Variants in TRANK1 observed in about 807,000 individuals in gnomAD.
TRANK1 encodes TPR and ankyrin repeat-containing protein 1.
A neutral mutation model predicts 266.0 loss-of-function variants in TRANK1; 198 were observed. The ratio of observed to expected loss-of-function variants is 0.74; its 90% CI spans 0.66 to 0.84. The LOEUF (loss-of-function observed/expected upper bound fraction) is 0.84. Among genes scored for constraint, TRANK1 ranks in the 40% least tolerant of loss-of-function variants. TRANK1 has a pLI of 0.00. For missense variants in TRANK1, 3,326 were observed against 3,634.6 expected (o/e 0.92, Z 2.18); for synonymous variants, 1,396 against 1,384.1 (o/e 1.01, Z -0.19).
intron 1 of TRANK1, among the ~76,000 whole-genome samples, chr3:36,913,263 CTG>C (rs564061638): frequency 1.4e-4 from 21 of 152,302 alleles, no homozygotes; most frequent in African/African-American, 4.1e-4. Context: ...GTTGGCCAGA[CTG>C]GTCTCGAACT....
At chr3:36,854,762 C>A (rs937557684) in intron 13 of TRANK1, among the ~76,000 whole-genome samples, 4 of 151,660 alleles carry the variant, frequency 2.6e-5, no homozygotes, top group Non-Finnish European at 5.9e-5. Context: ...GCCTACCACC[C>A]TCCCTTTTTT....
At chr3:36,878,033 C>T (rs2079414816) in intron 8 of TRANK1, among the ~76,000 whole-genome samples, 1 of 140,104 alleles carries the variant, frequency 7.1e-6, no homozygotes, top group African/African-American at 2.9e-5. Flanking sequence ...ATCAGGGGTC[C>T]CCAACCCCCC....
chr3:36,919,841 G>A (rs2080189844), intron 1 of TRANK1, among the ~76,000 whole-genome samples: 1 of 152,182 alleles, frequency 6.6e-6, no homozygotes, highest in African/African-American at 2.4e-5. Context: ...TTTTCCTGAT[G>A]ACTAATAATG....
At chr3:36,909,580 T>C (rs992380063) in intron 1 of TRANK1, among the ~76,000 whole-genome samples, 3 of 152,210 alleles carry the variant, frequency 2.0e-5, no homozygotes, top group Non-Finnish European at 2.9e-5. Context: ...ACAGATGACA[T>C]GTACCTATGG....
intron 1 of TRANK1, among the ~76,000 whole-genome samples, chr3:36,917,739 A>G (rs566880231): frequency 4.6e-5 from 7 of 152,336 alleles, no homozygotes; most frequent in Admixed American, 1.3e-4. Flanking sequence ...TGCATTCTCA[A>G]TGGGGCAATA....
chr3:36,912,641 T>G (rs2080068619), intron 1 of TRANK1, among the ~76,000 whole-genome samples: 2 of 152,154 alleles, frequency 1.3e-5, no homozygotes, highest in Admixed American at 1.3e-4. Flanking sequence ...ACTGAGTAGA[T>G]TTTGAAACAA....
In TRANK1 at chr3:36,855,421, A is replaced by G; in HGVS notation, c.4301T>C (p.Leu1434Pro). Reference protein sequence around the residue: ...LRVLPWSIHELYGDEIQDFTQ... With the variant: ...LRVLPWSIHEPYGDEIQDFTQ... ...AAAGTCTTGAATCTCATCACCATAG[A>G]GCTCGTGGATGGACCATGGGAGCAC... The change falls in exon 13 of 24, where the codon CTC (leucine) becomes CCC (proline). Residue 1434 changes from leucine (L) to proline (P), a missense_variant. Coordinates refer to ENST00000645898, the MANE Select transcript of TRANK1 (RefSeq NM_001329998.2). The G allele has an allele frequency of 6.2e-7, 1 of 1,613,990 alleles. No homozygotes were observed. Among genetic ancestry groups the G allele is most frequent in the Non-Finnish European group, 8.5e-7 (1 of 1,179,886 alleles).
Position 36,845,154 on chromosome 3 carries a change from G to A in TRANK1, c.5191+1094C>T, listed in dbSNP as rs573707336. On this transcript the variant is annotated intron_variant, in intron 17 of 23. Transcript: ENST00000645898. Reference sequence around the variant, plus strand: ...ACCCCATACCCACCAATCCTAGCATGAGAGGTAATCACTATAAACAGTTTT... The same window carrying A: ...ACCCCATACCCACCAATCCTAGCATAAGAGGTAATCACTATAAACAGTTTT... Among the ~76,000 whole-genome samples, 3 of 152,304 alleles carry A rather than the reference G, an allele frequency of 2.0e-5. No homozygotes were observed. The East Asian group carries it at 5.8e-4, about 29-fold the overall frequency.
At chr3:36,890,710 C>T (rs141798673) in intron 7 of TRANK1, among the ~76,000 whole-genome samples, 1 of 152,198 alleles carries the variant, frequency 6.6e-6, no homozygotes, top group African/African-American at 2.4e-5. Flanking sequence ...ATATTGAATT[C>T]TTTTCCCAGA....
chr3:36,862,758 T>C (rs1396176752), intron 10 of TRANK1, among the ~76,000 whole-genome samples: 1 of 152,162 alleles, frequency 6.6e-6, no homozygotes, highest in African/African-American at 2.4e-5. Context: ...GAGACTTCAA[T>C]GTCATCTCCA....
In TRANK1 at chr3:36,832,729, T is replaced by C. The variant is rs369030487; in HGVS notation, c.6854A>G (p.Asn2285Ser). The C allele has an allele frequency of 3.1e-6, 5 of 1,613,684 alleles. No individual in the cohort carries two copies. The African/African-American group carries it at 6.7e-5, about 22-fold the overall frequency. Reference sequence around the variant, plus strand: ...GAGGATTTCTTTGCATGCCATGGGGTTTTCTGACAACACTCTCTGATGGAA... The same window carrying C: ...GAGGATTTCTTTGCATGCCATGGGGCTTTCTGACAACACTCTCTGATGGAA... Reference protein sequence around the residue: ...KHFHQRVLSENPMACKEILKP... With the variant: ...KHFHQRVLSESPMACKEILKP... Residue 2285 changes from asparagine to serine, a missense_variant, in exon 22 of 24, where the codon AAC becomes AGC. Asn to Ser is a conservative substitution (Grantham distance 46). Transcript: ENST00000645898.
At chr3:36,875,229 G>A (rs924036267) in intron 8 of TRANK1, among the ~76,000 whole-genome samples, 2 of 152,166 alleles carry the variant, frequency 1.3e-5, no homozygotes, top group Non-Finnish European at 2.9e-5. Context: ...TATCCAGAGA[G>A]GCCTGACCTA....
At chr3:36,864,188 G>A (rs2079181899) in intron 10 of TRANK1, 131 bp downstream of exon 10, 2 of 1,045,362 alleles carry the variant, frequency 1.9e-6, no homozygotes, top group Non-Finnish European at 2.6e-6. Flanking sequence ...AATGCTCTGT[G>A]CTGTCTGAAT....
rs2080549671 is a variant in TRANK1, at chr3:36,944,804, C to T, written c.6G>A (p.Trp2Ter). The T allele has an allele frequency of 2.7e-6, 4 of 1,491,280 alleles. No individual in the cohort carries two copies. The highest frequency in any genetic ancestry group is 3.5e-6 in the Non-Finnish European group (4 of 1,127,588). The allele number at this position is 1,491,280 out of a possible 1,614,324, so 92.4% of individuals were successfully genotyped here. The change falls in exon 1 of 24, where the codon TGG (tryptophan) becomes TGA (stop). Residue 2 changes from tryptophan to a stop codon, truncating the protein, a stop_gained. Transcript: ENST00000645898. LOFTEE classifies it high-confidence loss of function. ...CTACGCACCTAGCTGCCCGCGGGTC[C>T]CACATGGCTGCGGCCGGAGGGTCCG... M[W>*]DPRAARMDLT... is the part of the protein sequence containing the mutation.
chr3:36,937,845 A>G (rs1575339184), intron 1 of TRANK1, among the ~76,000 whole-genome samples: 1 of 152,200 alleles, frequency 6.6e-6, no homozygotes, highest in South Asian at 2.1e-4. Flanking sequence ...CACTCCAGTG[A>G]CAGCCATTAA....
chr3:36,936,172 A>G (rs2080422682), intron 1 of TRANK1, among the ~76,000 whole-genome samples: 1 of 152,192 alleles, frequency 6.6e-6, no homozygotes, highest in South Asian at 2.1e-4. Flanking sequence ...ACTGGAAAAC[A>G]GTAGCATTTG....
At chr3:36,845,657 C>G (rs1575192703) in intron 17 of TRANK1, among the ~76,000 whole-genome samples, 1 of 152,218 alleles carries the variant, frequency 6.6e-6, no homozygotes, top group East Asian at 1.9e-4. Context: ...ATCTTTCACC[C>G]AATACATCTT....
intron 8 of TRANK1, among the ~76,000 whole-genome samples, chr3:36,881,280 C>A (rs2079527816): frequency 6.6e-6 from 1 of 151,972 alleles, no homozygotes; most frequent in Non-Finnish European, 1.5e-5. Context: ...GGTAAAACCC[C>A]ATCTCTACTA....
rs370303938 is a variant in TRANK1, at chr3:36,906,313, G to A, written c.155+2010C>T. Among the ~76,000 whole-genome samples, 7 of 152,276 alleles carry A rather than the reference G, an allele frequency of 4.6e-5. No homozygotes were observed. The East Asian group carries it at 7.7e-4, about 17-fold the overall frequency. The stretch of plus-strand genomic sequence containing the variant: ...ATTTCCTAGCACAAGTTTAGGTTGT[G>A]TGCACCCTACAGATGCCAACATCTG... On this transcript the variant is annotated intron_variant, in intron 2 of 23. Coordinates refer to ENST00000645898, the MANE Select transcript of TRANK1 (RefSeq NM_001329998.2).
Sources: gnomAD v4.1 joint callset for allele counts (sites outside exome capture counted in the v4.1 genomes callset) on GRCh38, gnomAD v4.1.1 for gene constraint, MANE v1.5 for transcripts, NCBI Gene and HGNC (gene_info 2026-07-23, HGNC 2026-07-21) for gene names.